The following HLCS variants were observed in gnomAD, a reference collection of about 807,000 sequenced individuals.
HLCS encodes the protein biotin--protein ligase.
A neutral mutation model predicts 75.0 loss-of-function variants in HLCS; 53 were observed. The ratio of observed to expected loss-of-function variants is 0.71; its 90% CI spans 0.57 to 0.89. HLCS has a LOEUF of 0.89. Among genes scored for constraint, HLCS ranks in the 40% least tolerant of loss-of-function variants. The probability of loss-of-function intolerance (pLI) is 0.00; values close to 1 mark genes in which losing one functional copy is unlikely to be tolerated. For missense variants in HLCS, 966 were observed against 1,074.0 expected, an observed-to-expected ratio of 0.90 and a Z score of 1.41; for synonymous variants, 431 against 428.6, an observed-to-expected ratio of 1.01 and a Z score of -0.07.
chr21:36,800,244 A>T (rs1003193920), intron 6 of HLCS, among the ~76,000 whole-genome samples: 34 of 152,334 alleles, frequency 2.2e-4, no homozygotes, highest in African/African-American at 7.2e-4. Context: ...CAGCAGAAAC[A>T]TATGTTTTCA....
rs545799350 is a variant in HLCS, at chr21:36,813,949, C to T, written c.1893-46664G>A. Among the ~76,000 whole-genome samples, 83 of 152,286 alleles carry T rather than the reference C, an allele frequency of 5.5e-4. 2 individuals are homozygous for T. In the South Asian group the frequency reaches 0.017, roughly 32 times the overall value. On this transcript the variant is annotated intron_variant, in intron 6 of 10. Coordinates refer to ENST00000674895, the MANE Select transcript of HLCS (RefSeq NM_001352514.2). ...GAAATGGAAACACTCACATGGAGAG[C>T]ATTTTCTCCTCCAAATTTTCGATTC...
At chr21:36,919,195 G>C (rs752386595) in intron 5 of HLCS, among the ~76,000 whole-genome samples, 2 of 152,180 alleles carry the variant, frequency 1.3e-5, no homozygotes, top group Non-Finnish European at 2.9e-5. Flanking sequence ...GTGAAAGAGA[G>C]TGATGAGTAC....
At chr21:36,763,965 T>C (rs4817820) in intron 8 of HLCS, among the ~76,000 whole-genome samples, 152,380 of 152,380 alleles carry the variant, frequency 1, 76,190 homozygotes, top group Non-Finnish European at 1. Flanking sequence ...GATAGTTCTG[T>C]TAGAGCACAG....
intron 6 of HLCS, among the ~76,000 whole-genome samples, chr21:36,874,870 G>C (rs1301267647): frequency 6.6e-6 from 1 of 152,250 alleles, no homozygotes; most frequent in African/African-American, 2.4e-5. Flanking sequence ...CACTCTCGGG[G>C]GTCCAGGAAG....
chr21:36,802,798 AT>A (rs2061246211), intron 6 of HLCS, among the ~76,000 whole-genome samples: 1 of 152,292 alleles, frequency 6.6e-6, no homozygotes, highest in Non-Finnish European at 1.5e-5. Flanking sequence ...AAAAGGCACG[AT>A]CCCCACACAA....
chr21:36,803,502 C>T (rs2145927632), intron 6 of HLCS, among the ~76,000 whole-genome samples: 1 of 152,286 alleles, frequency 6.6e-6, no homozygotes, highest in South Asian at 2.1e-4. Flanking sequence ...CAGTTTATGC[C>T]CACGAGGCGC....
chr21:36,916,518 A>ATT (rs57613865), intron 5 of HLCS, among the ~76,000 whole-genome samples: 28 of 93,038 alleles, frequency 3.0e-4, no homozygotes, highest in South Asian at 6.9e-4. Context: ...TGCCTAGCTA[A>ATT]TTTTTTTTTT....
chr21:36,983,005 G>A (rs2069152852), intron 1 of HLCS, among the ~76,000 whole-genome samples: 1 of 151,918 alleles, frequency 6.6e-6, no homozygotes, highest in Non-Finnish European at 1.5e-5. Context: ...ATGCACTACA[G>A]CCTGGGCGAC....
At chr21:36,891,701 C>G (rs1398383873) in intron 6 of HLCS, among the ~76,000 whole-genome samples, 1 of 152,174 alleles carries the variant, frequency 6.6e-6, no homozygotes, top group Non-Finnish European at 1.5e-5. Context: ...CCTTGACACT[C>G]TCAGCAAGGT....
intron 6 of HLCS, among the ~76,000 whole-genome samples, chr21:36,844,678 T>C (rs2062733673): frequency 6.6e-6 from 1 of 151,972 alleles, no homozygotes; most frequent in Non-Finnish European, 1.5e-5. Context: ...CAATTCAGTA[T>C]GGAGAACGAC....
intron 6 of HLCS, among the ~76,000 whole-genome samples, chr21:36,801,663 T>C (rs2061204976): frequency 6.6e-6 from 1 of 152,236 alleles, no homozygotes; most frequent in Non-Finnish European, 1.5e-5. Context: ...GAGAGTCTAT[T>C]AACTTTCCTT....
chr21:36,792,893 T>C (rs1487728440), intron 6 of HLCS, among the ~76,000 whole-genome samples: 2 of 152,156 alleles, frequency 1.3e-5, no homozygotes, highest in Non-Finnish European at 2.9e-5. Flanking sequence ...CTAGAGTGAC[T>C]CATGGTGAGG....
At chr21:36,790,620 G>A (rs2060832831) in intron 6 of HLCS, among the ~76,000 whole-genome samples, 1 of 152,124 alleles carries the variant, frequency 6.6e-6, no homozygotes, top group Non-Finnish European at 1.5e-5. Context: ...ACGCTTCCGT[G>A]GCTCAATGGC....
chr21:36,869,410 G>A (rs1393836566), intron 6 of HLCS, among the ~76,000 whole-genome samples: 1 of 152,138 alleles, frequency 6.6e-6, no homozygotes, highest in Non-Finnish European at 1.5e-5. Flanking sequence ...GGGGTTACAG[G>A]CGTGAGCCAC....
At position 36,936,474 on chromosome 21, in the gene HLCS, C is replaced by G; in HGVS notation, c.1412G>C (p.Arg471Pro). 6.2e-7 allele frequency: 1 copy of G among 1,614,194 alleles called. No individual in the cohort carries two copies. The change falls in exon 4 of 11, where the codon CGC becomes CCC. Residue 471 changes from arginine (R) to proline (P), a missense_variant. Transcript: ENST00000674895. ...CTGGCAAAGAACAGCTTCTCCCCCGCGAGTTCCAAAAGGCACATGCACAAT... is the reference window on the plus strand; with the variant it reads ...CTGGCAAAGAACAGCTTCTCCCCCGGGAGTTCCAAAAGGCACATGCACAAT... ...RMIVHVPFGT[R>P]GGEAVLCQVH...
At chr21:36,864,443 T>G (rs1488713937) in intron 6 of HLCS, among the ~76,000 whole-genome samples, 1 of 152,050 alleles carries the variant, frequency 6.6e-6, no homozygotes, top group Non-Finnish European at 1.5e-5. Context: ...AGTCAAAAAT[T>G]TGCATTCCCT....
At chr21:36,868,183 G>GGGGAAAAGGAAGGGAAAAGGGAA (rs1601567754) in intron 6 of HLCS, among the ~76,000 whole-genome samples, 1 of 138,284 alleles carries the variant, frequency 7.2e-6, no homozygotes, top group East Asian at 2.1e-4. Flanking sequence ...GAAAAGGGAG[G>GGGGAAAAGGAAGGGAAAAGGGAA]GGAAAAAGGA....
chr21:36,806,610 A>G (rs1034004120), intron 6 of HLCS, among the ~76,000 whole-genome samples: 1 of 152,174 alleles, frequency 6.6e-6, no homozygotes, highest in South Asian at 2.1e-4. Flanking sequence ...CTTGATGAAA[A>G]ATTTCAAAAA....
chr21:36,919,685 C>T lies in HLCS; in HGVS notation c.1620+10566G>A, dbSNP rs541961711. 7.2e-5 allele frequency among the ~76,000 whole-genome samples: 11 copies of T among 152,258 alleles called. No homozygotes were observed. In the East Asian group the frequency reaches 2.1e-3, roughly 29 times the overall value. ...ACACAATTTCTTTGTAAATCTGAGG[C>T]TGCTATATAGTGTATTGATAATTCT... On this transcript the variant is annotated intron_variant, in intron 5 of 10. Coordinates refer to ENST00000674895, the MANE Select transcript of HLCS (RefSeq NM_001352514.2).
Sources: allele counts gnomAD v4.1 joint callset (sites outside exome capture counted in the v4.1 genomes callset), GRCh38; gene constraint gnomAD v4.1.1; transcripts MANE v1.5; gene names NCBI Gene and HGNC (gene_info 2026-07-23, HGNC 2026-07-21).